Variants in PRKN observed in about 807,000 individuals in gnomAD.
The protein encoded by PRKN is E3 ubiquitin-protein ligase parkin.
In PRKN, 56 loss-of-function variants were observed where a neutral mutation model predicts 59.5. The ratio of observed to expected loss-of-function variants is 0.94; its 90% CI spans 0.76 to 1.18. The LOEUF (loss-of-function observed/expected upper bound fraction) is 1.18. Ranked by LOEUF, PRKN falls within the 50% of genes most tolerant of loss-of-function variation. The pLI is 0.00. For synonymous variants in PRKN, 250 were observed against 222.1 expected, an observed-to-expected ratio of 1.13 and a Z score of -1.12; for missense variants, 657 against 596.4, an observed-to-expected ratio of 1.10 and a Z score of -1.06.
In PRKN at chr6:161,395,115, C is replaced by A. The variant is rs566008743; in HGVS notation, c.1084-8238G>T. ...TCCTCCTTGGTCAGCTACATAGCTT[C>A]CCAGAGACAATCACTGTCACCTGTT... On this transcript the variant is annotated intron_variant, in intron 9 of 11. Coordinates refer to ENST00000366898, the MANE Select transcript of PRKN (RefSeq NM_004562.3). The surrounding 1 kb of genome is among the most constrained non-coding windows in gnomAD (Gnocchi z 5.0). Among the ~76,000 whole-genome samples, 1 of 152,128 alleles carries A rather than the reference C, an allele frequency of 6.6e-6. No individual in the cohort carries two copies. The highest frequency in any genetic ancestry group is 2.4e-5 in the African/African-American group (1 of 41,404).
At chr6:162,124,762 T>G (rs1007467484) in intron 4 of PRKN, among the ~76,000 whole-genome samples, 1 of 151,838 alleles carries the variant, frequency 6.6e-6, no homozygotes, top group African/African-American at 2.4e-5. Flanking sequence ...TCTGAGGGAG[T>G]ATAAGACAGC....
intron 6 of PRKN, among the ~76,000 whole-genome samples, chr6:161,960,911 A>T (rs1780353795): frequency 6.6e-6 from 1 of 152,222 alleles, no homozygotes; most frequent in Non-Finnish European, 1.5e-5. Context: ...CCAATGCAGG[A>T]ATATGTGTTA....
At chr6:162,235,870 G>A (rs971531448) in intron 3 of PRKN, among the ~76,000 whole-genome samples, 7 of 141,642 alleles carry the variant, frequency 4.9e-5, no homozygotes, top group African/African-American at 1.0e-4. Flanking sequence ...AGAAAAAGAC[G>A]GAAAGAAAGA....
intron 6 of PRKN, among the ~76,000 whole-genome samples, chr6:161,840,212 G>A (rs1316913837): frequency 6.6e-6 from 1 of 152,244 alleles, no homozygotes; most frequent in East Asian, 1.9e-4. Flanking sequence ...GGCAAGTGCA[G>A]ATAGTGTCAT....
At chr6:161,847,795 T>C (rs1400277168) in intron 6 of PRKN, among the ~76,000 whole-genome samples, 2 of 152,198 alleles carry the variant, frequency 1.3e-5, no homozygotes, top group Non-Finnish European at 2.9e-5. Context: ...ACCCTAGGCA[T>C]AGGACTGGGA....
chr6:161,804,292 T>C (rs960361667), intron 6 of PRKN, among the ~76,000 whole-genome samples: 2 of 152,050 alleles, frequency 1.3e-5, no homozygotes, highest in African/African-American at 4.8e-5. Context: ...CAGAACTTGA[T>C]CTATGAGGCT....
intron 7 of PRKN, among the ~76,000 whole-genome samples, chr6:161,707,384 T>C (rs13209225): frequency 0.46 from 69,278 of 151,990 alleles, 16,218 homozygotes; most frequent in Admixed American, 0.61. Flanking sequence ...AAAAGAACAA[T>C]AGTCATCAAA....
rs1175202893 is a variant in PRKN, at chr6:162,556,342, G to GGGGTGTGTGTGTGTGTGTGTGTGTGTGT, written c.8-112870_8-112869insACACACACACACACACACACACACACCC. On this transcript the variant is annotated intron_variant, in intron 1 of 11. Coordinates refer to ENST00000366898, the MANE Select transcript of PRKN (RefSeq NM_004562.3). The stretch of plus-strand genomic sequence containing the variant: ...GAAACCAAGCAGTAACTACTCAGCT[G>GGGGTGTGTGTGTGTGTGTGTGTGTGTGT]GTGTGTGTGTGTGTGTGTGTGTGTG... 2.1e-4 allele frequency among the ~76,000 whole-genome samples: 12 copies of GGGGTGTGTGTGTGTGTGTGTGTGTGTGT among 57,300 alleles called. 1 individual carries two copies. The highest frequency in any genetic ancestry group is 3.6e-4 in the Non-Finnish European group (11 of 30,188). The allele number at this position is 57,300 out of a possible 152,430, so 37.6% of individuals were successfully genotyped here. A position where few individuals can be genotyped will look rare whatever the true frequency, so the allele number is the denominator to read the frequency against.
chr6:162,710,655 C>A (rs1165687652), intron 1 of PRKN, among the ~76,000 whole-genome samples: 3 of 152,090 alleles, frequency 2.0e-5, no homozygotes, highest in African/African-American at 7.2e-5. Context: ...CACATTTGCA[C>A]GGCCTAATCC....
At chr6:161,511,987 C>T (rs1461137547) in intron 9 of PRKN, among the ~76,000 whole-genome samples, 1 of 152,220 alleles carries the variant, frequency 6.6e-6, no homozygotes, top group Non-Finnish European at 1.5e-5. Flanking sequence ...TTCCCCCTAA[C>T]ACAGACACAC....
chr6:162,417,788 GTT>G (rs1788710660), intron 2 of PRKN, among the ~76,000 whole-genome samples: 1 of 152,194 alleles, frequency 6.6e-6, no homozygotes, highest in Non-Finnish European at 1.5e-5. Context: ...GAAATCAAGA[GTT>G]AGTGTCCACG....
At chr6:162,147,289 G>T (rs1018179981) in intron 4 of PRKN, among the ~76,000 whole-genome samples, 7 of 146,730 alleles carry the variant, frequency 4.8e-5, no homozygotes, top group African/African-American at 1.8e-4. Context: ...GCTGCAGTGA[G>T]CCAAGATTGT....
intron 5 of PRKN, among the ~76,000 whole-genome samples, chr6:162,047,715 T>A (rs1777442418): frequency 6.6e-6 from 1 of 152,160 alleles, no homozygotes; most frequent in Non-Finnish European, 1.5e-5. Context: ...ATTAAGAAAC[T>A]TTTTGGACAT....
chr6:161,637,142 T>C (rs1170069404), intron 7 of PRKN, among the ~76,000 whole-genome samples: 1 of 152,192 alleles, frequency 6.6e-6, no homozygotes, highest in African/African-American at 2.4e-5. Flanking sequence ...ATGCTGAAAT[T>C]GGAAGTGTGT....
At chr6:162,256,139 G>A (rs181053826) in intron 3 of PRKN, among the ~76,000 whole-genome samples, 4 of 152,246 alleles carry the variant, frequency 2.6e-5, no homozygotes, top group African/African-American at 9.6e-5. Context: ...AATAGATGAA[G>A]AAGGTGTAGG....
chr6:161,404,563 C>T (rs367869180), intron 9 of PRKN, among the ~76,000 whole-genome samples: 3 of 152,196 alleles, frequency 2.0e-5, no homozygotes, highest in Admixed American at 6.5e-5. Flanking sequence ...CCAATGGCAT[C>T]TGCAAAATTT....
At chr6:161,610,246 G>T (rs1359585545) in intron 7 of PRKN, among the ~76,000 whole-genome samples, 1 of 152,050 alleles carries the variant, frequency 6.6e-6, no homozygotes, top group Non-Finnish European at 1.5e-5. Flanking sequence ...TGGTGGGAAA[G>T]TGGGTTCTGA....
chr6:161,431,489 A>G (rs1361862550), intron 9 of PRKN, among the ~76,000 whole-genome samples: 2 of 152,084 alleles, frequency 1.3e-5, no homozygotes, highest in African/African-American at 4.8e-5. Context: ...TGCAATCAAT[A>G]CTCATATTTT....
intron 1 of PRKN, among the ~76,000 whole-genome samples, chr6:162,616,462 A>G (rs1269060382): frequency 1.3e-5 from 2 of 152,196 alleles, no homozygotes; most frequent in Admixed American, 1.3e-4. Context: ...ATTATTTATA[A>G]AAAGAATAAA....
Sources: gnomAD v4.1 joint callset for allele counts (sites outside exome capture counted in the v4.1 genomes callset) on GRCh38, gnomAD v4.1.1 for gene constraint, Gnocchi (gnomAD v3.1) non-coding constraint, MANE v1.5 for transcripts, NCBI Gene and HGNC (gene_info 2026-07-23, HGNC 2026-07-21) for gene names.